Variants in HIF1A observed in about 807,000 individuals in gnomAD.
The protein encoded by HIF1A is hypoxia inducible factor 1 subunit alpha.
In HIF1A, 24 loss-of-function variants were observed where a neutral mutation model predicts 92.7. The ratio of observed to expected loss-of-function variants is 0.26; its 90% confidence interval spans 0.19 to 0.36. The LOEUF (loss-of-function observed/expected upper bound fraction) is 0.36. Ranked by LOEUF, HIF1A falls within the 10% of genes least tolerant of loss-of-function variation. The pLI, the probability that HIF1A is intolerant of heterozygous loss-of-function variation, is 1.00. For synonymous variants in HIF1A, 319 were observed against 338.7 expected (o/e 0.94, Z 0.64); for missense variants, 799 against 998.5 (o/e 0.80, Z 2.69).
At chr14:61,703,110 G>A (rs1189019770) in intron 1 of HIF1A, among the ~76,000 whole-genome samples, 1 of 152,142 alleles carries the variant, frequency 6.6e-6, no homozygotes, top group Non-Finnish European at 1.5e-5. Context: ...GAAAAGTGCT[G>A]AGATTACAGG....
Position 61,695,560 on chromosome 14 carries a change from C to G in HIF1A, c.-245C>G, listed in dbSNP as rs117883794. 3.3e-5 allele frequency: 19 copies of G among 578,110 alleles called. No individual in the cohort carries two copies. The African/African-American group carries it at 3.6e-4, about 11-fold the overall frequency. 35.8% of individuals were successfully genotyped at this position (578,110 alleles called of 1,614,324 possible). ...GAGGGGACAGGAGGATCACCCTCTTCGTCGCTTCGGCCAGTGTGTCGGGCT... is the reference window on the plus strand; with the variant it reads ...GAGGGGACAGGAGGATCACCCTCTTGGTCGCTTCGGCCAGTGTGTCGGGCT... On this transcript the variant is annotated 5_prime_UTR_variant, in exon 1 of 15. Transcript: ENST00000337138.
intron 1 of HIF1A, among the ~76,000 whole-genome samples, chr14:61,708,281 T>C (rs535811055): frequency 6.6e-6 from 1 of 152,354 alleles, no homozygotes; most frequent in African/African-American, 2.4e-5. Context: ...GTAGTTTCTT[T>C]TGCTGTGCAG....
At chr14:61,727,406 C>T (rs1163575972) in intron 5 of HIF1A, 47 bp from the exon 6 acceptor site, 5 of 1,409,050 alleles carry the variant, frequency 3.5e-6, no homozygotes, top group African/African-American at 1.4e-5. Context: ...TTTTTTTTCC[C>T]TAGCATTGTA....
intron 1 of HIF1A, among the ~76,000 whole-genome samples, chr14:61,710,000 T>TTGA (rs2044287886): frequency 6.6e-6 from 1 of 152,166 alleles, no homozygotes. Context: ...TAAACTTTGC[T>TTGA]AACACTGTAT....
intron 1 of HIF1A, among the ~76,000 whole-genome samples, chr14:61,708,570 C>T: frequency 6.6e-6 from 1 of 151,894 alleles, no homozygotes; most frequent in Non-Finnish European, 1.5e-5. Flanking sequence ...AATCCTTTCC[C>T]CATTTCTTGT....
chr14:61,702,126 G>T (rs1164103472), intron 1 of HIF1A, among the ~76,000 whole-genome samples: 4 of 151,662 alleles, frequency 2.6e-5, no homozygotes, highest in Non-Finnish European at 5.9e-5. Flanking sequence ...TTTTTAAAAG[G>T]TTTCTTTAGA....
At chr14:61,711,800 T>G (rs2044311460) in intron 1 of HIF1A, among the ~76,000 whole-genome samples, 1 of 152,250 alleles carries the variant, frequency 6.6e-6, no homozygotes, top group Non-Finnish European at 1.5e-5. Flanking sequence ...CTTGGCTAGA[T>G]AAATAAATGG....
chr14:61,747,939 TAAAG>T lies in HIF1A; in HGVS notation c.*856_*859del, dbSNP rs1463890765. 1 of 152,480 alleles carries T rather than the reference TAAAG, an allele frequency of 6.6e-6. No individual in the cohort carries two copies. Among genetic ancestry groups the T allele is most frequent in the African/African-American group, 2.4e-5 (1 of 41,412 alleles). 9.4% of individuals were successfully genotyped at this position (152,480 alleles called of 1,614,324 possible). ...AAATGTTCTGCCTACCCTGTTGGTA[TAAAG>T]ATATTTTGAGCAGACTGTAAACAAG... On this transcript the variant is annotated 3_prime_UTR_variant, in exon 15 of 15. Coordinates refer to ENST00000337138, the MANE Select transcript of HIF1A (RefSeq NM_001530.4).
intron 5 of HIF1A, 75 bp from the exon 6 acceptor site, chr14:61,727,378 C>A: frequency 9.2e-7 from 1 of 1,083,306 alleles, no homozygotes; most frequent in Non-Finnish European, 1.4e-6. Flanking sequence ...ATGTCAGACT[C>A]AACTACTTAT....
intron 12 of HIF1A, among the ~76,000 whole-genome samples, chr14:61,743,660 C>G (rs934686468): frequency 2.0e-5 from 3 of 152,200 alleles, no homozygotes; most frequent in African/African-American, 7.2e-5. Context: ...CTGTCTGGAA[C>G]AGCAAGGAGC....
intron 1 of HIF1A, among the ~76,000 whole-genome samples, chr14:61,711,237 G>T (rs1290589596): frequency 1.7e-5 from 2 of 115,440 alleles, no homozygotes; most frequent in East Asian, 4.8e-4. Flanking sequence ...TTTTGAGACA[G>T]TGTCTTGCTC....
At chr14:61,699,417 G>A (rs1401309454) in intron 1 of HIF1A, among the ~76,000 whole-genome samples, 4 of 150,876 alleles carry the variant, frequency 2.7e-5, no homozygotes, top group Admixed American at 6.6e-5. Context: ...TGTCAAGAGT[G>A]GTGTATAGAA....
chr14:61,720,433 G>A lies in HIF1A; in HGVS notation c.87G>A (p.Arg29=). The change falls in exon 2 of 15, where the codon CGG becomes CGA. Residue 29 remains arginine, a synonymous_variant. Coordinates refer to ENST00000337138, the MANE Select transcript of HIF1A (RefSeq NM_001530.4). The stretch of plus-strand genomic sequence containing the variant: ...AGTCTCGAGATGCAGCCAGATCTCG[G>A]CGAAGTAAAGAATCTGAAGTTTTTT... ...KEKSRDAARS[R]RSKESEVFYE... is the part of the protein sequence containing the mutation. 6.2e-7 allele frequency: 1 copy of A among 1,613,242 alleles called. No homozygotes were observed. The highest frequency in any genetic ancestry group is 1.1e-5 in the South Asian group (1 of 90,896).
At chr14:61,717,673 TG>T (rs1361686282) in intron 1 of HIF1A, among the ~76,000 whole-genome samples, 1 of 152,212 alleles carries the variant, frequency 6.6e-6, no homozygotes, top group Non-Finnish European at 1.5e-5. Context: ...TTTGAAGTTC[TG>T]GACGATACGT....
intron 13 of HIF1A, among the ~76,000 whole-genome samples, chr14:61,745,286 G>C (rs1018254804): frequency 6.6e-6 from 1 of 152,148 alleles, no homozygotes; most frequent in Non-Finnish European, 1.5e-5. Context: ...AGCCAGGCGT[G>C]TTGGTGCACA....
intron 12 of HIF1A, among the ~76,000 whole-genome samples, chr14:61,742,126 G>A (rs146427834): frequency 1.1e-4 from 17 of 152,272 alleles, no homozygotes; most frequent in African/African-American, 3.6e-4. Flanking sequence ...CTTCTATGGA[G>A]CTAGTTCAAA....
At chr14:61,732,604 T>C (rs563779386) in intron 7 of HIF1A, 80 bp downstream of exon 7, 3 of 830,522 alleles carry the variant, frequency 3.6e-6, no homozygotes, top group East Asian at 4.9e-5. Context: ...ACCCATCTAA[T>C]TCTCTGGTTA....
chr14:61,744,450 T>C (rs1594889547), intron 12 of HIF1A, among the ~76,000 whole-genome samples: 1 of 151,148 alleles, frequency 6.6e-6, no homozygotes, highest in Non-Finnish European at 1.5e-5. Context: ...CAGGGCTTGG[T>C]TGCAGTAAGC....
chr14:61,747,031 C>T lies in HIF1A; in HGVS notation c.2427C>T (p.Ser809=), dbSNP rs780928465. Residue 809 remains serine, a synonymous_variant, in exon 15 of 15, where the codon AGC becomes AGT. Transcript: ENST00000337138. The part of the protein sequence containing the change: ...DCEVNAPIQG[S]RNLLQGEELL... ...AAGTTAATGCTCCTATACAAGGCAGCAGAAACCTACTGCAGGGTGAAGAAT... is the reference window on the plus strand; with the variant it reads ...AAGTTAATGCTCCTATACAAGGCAGTAGAAACCTACTGCAGGGTGAAGAAT... The T allele has an allele frequency of 1.2e-6, 2 of 1,612,964 alleles. No individual in the cohort carries two copies. The highest frequency in any genetic ancestry group is 1.7e-6 in the Non-Finnish European group (2 of 1,179,146).
Sources: gnomAD v4.1 joint callset for allele counts (sites outside exome capture counted in the v4.1 genomes callset) on GRCh38, gnomAD v4.1.1 for gene constraint, MANE v1.5 for transcripts, NCBI Gene and HGNC (gene_info 2026-07-23, HGNC 2026-07-21) for gene names.